Variants in CDC42BPB observed in about 807,000 individuals in gnomAD.
The protein encoded by CDC42BPB is CDC42 binding protein kinase beta, also known as serine/threonine-protein kinase MRCK beta.
In CDC42BPB, 37 loss-of-function variants were observed where a neutral mutation model predicts 214.9. The ratio of observed to expected loss-of-function variants is 0.17; its 90% CI spans 0.13 to 0.23. The LOEUF is 0.23. Among genes scored for constraint, CDC42BPB ranks in the 10% least tolerant of loss-of-function variants. CDC42BPB has a pLI of 1.00. For synonymous variants in CDC42BPB, 931 were observed against 884.0 expected, an observed-to-expected ratio of 1.05 and a Z score of -0.94; for missense variants, 1,694 against 2,227.0, an observed-to-expected ratio of 0.76 and a Z score of 4.82.
At chr14:103,031,384 G>C (rs1445644816) in intron 1 of CDC42BPB, among the ~76,000 whole-genome samples, 1 of 152,146 alleles carries the variant, frequency 6.6e-6, no homozygotes, top group East Asian at 1.9e-4. Flanking sequence ...ATCAACAAAT[G>C]AAAGAGCTTT....
At chr14:103,052,031 G>A (rs1294040269) in intron 1 of CDC42BPB, among the ~76,000 whole-genome samples, 1 of 152,060 alleles carries the variant, frequency 6.6e-6, no homozygotes, top group Non-Finnish European at 1.5e-5. Flanking sequence ...TAGTACAGAC[G>A]GGTTTTCACC....
chr14:103,056,979 C>A lies in CDC42BPB; in HGVS notation c.175+20G>T. The stretch of plus-strand genomic sequence containing the variant: ...GGGGGTCGCAGAGCCGCAGGTCCGG[C>A]CCTGCCGGCGCGCACTTACCCCACT... On this transcript the variant is annotated intron_variant, in intron 1 of 36. Coordinates refer to ENST00000361246, the MANE Select transcript of CDC42BPB (RefSeq NM_006035.4). 7.2e-7 allele frequency: 1 copy of A among 1,390,618 alleles called. No homozygotes were observed. The highest frequency in any genetic ancestry group is 1.5e-5 in the South Asian group (1 of 66,518). 86.1% of individuals were successfully genotyped at this position (1,390,618 alleles called of 1,614,324 possible).
At chr14:102,935,474 G>A (rs1394572719) in intron 36 of CDC42BPB, among the ~76,000 whole-genome samples, 1 of 152,182 alleles carries the variant, frequency 6.6e-6, no homozygotes, top group East Asian at 1.9e-4. Flanking sequence ...TCTCATGTTC[G>A]TGGAGTAAAA....
In CDC42BPB at chr14:102,932,988, ACGACACTCG is replaced by A. The variant is rs1891463412; in HGVS notation, c.*715_*723del. 6.6e-6 allele frequency: 1 copy of A among 152,030 alleles called. No homozygotes were observed. Among genetic ancestry groups the A allele is most frequent in the African/African-American group, 2.4e-5 (1 of 41,242 alleles). The allele number at this position is 152,030 out of a possible 1,614,324, so 9.4% of individuals were successfully genotyped here. On this transcript the variant is annotated 3_prime_UTR_variant, in exon 37 of 37. Coordinates refer to ENST00000361246, the MANE Select transcript of CDC42BPB (RefSeq NM_006035.4). ...GCAGGCCACAGGGCCTGCCTGCACC[ACGACACTCG>A]CTGGTTTTATGGCAGGAGGCAGAAG... is the stretch of plus-strand genomic sequence containing the variant.
chr14:102,960,272 G>A (rs1436513601), intron 20 of CDC42BPB, among the ~76,000 whole-genome samples: 1 of 152,046 alleles, frequency 6.6e-6, no homozygotes, highest in Non-Finnish European at 1.5e-5. Flanking sequence ...GGCGTAGGTG[G>A]AGGAGGAGCA....
chr14:102,942,343 T>C (rs1338098872), intron 30 of CDC42BPB, among the ~76,000 whole-genome samples: 1 of 152,184 alleles, frequency 6.6e-6, no homozygotes, highest in Non-Finnish European at 1.5e-5. Context: ...CACGACGCCC[T>C]GGGTATGATG....
At position 102,937,484 on chromosome 14, in the gene CDC42BPB, T is replaced by C. The variant is rs186220669; in HGVS notation, c.5004+620A>G. ...GAGATGTGTGGTGGAGAGATGAGCA[T>C]GGCCCCTCCGCCTGCATCCCTCCCT... On this transcript the variant is annotated intron_variant, in intron 36 of 36. Coordinates refer to ENST00000361246, the MANE Select transcript of CDC42BPB (RefSeq NM_006035.4). 1.4e-3 allele frequency among the ~76,000 whole-genome samples: 215 copies of C among 152,334 alleles called. 2 individuals carry two copies. The highest frequency in any genetic ancestry group is 4.7e-3 in the African/African-American group (196 of 41,594).
At chr14:102,998,651 C>T (rs1392595543) in intron 5 of CDC42BPB, among the ~76,000 whole-genome samples, 1 of 152,188 alleles carries the variant, frequency 6.6e-6, no homozygotes, top group African/African-American at 2.4e-5. Context: ...GAGCAGGAGA[C>T]GGAGCTGCTT....
intron 27 of CDC42BPB, among the ~76,000 whole-genome samples, chr14:102,947,299 T>A (rs963551730): frequency 6.6e-6 from 1 of 152,164 alleles, no homozygotes; most frequent in African/African-American, 2.4e-5. Context: ...TGCTACAATG[T>A]CTAACACTAA....
In CDC42BPB at chr14:103,048,863, G is replaced by A. The variant is rs568749074; in HGVS notation, c.175+8136C>T. On this transcript the variant is annotated intron_variant, in intron 1 of 36. Coordinates refer to ENST00000361246, the MANE Select transcript of CDC42BPB (RefSeq NM_006035.4). ...CACTCCAGCCTGGGCAACAGAATGA[G>A]CCTCCATCTCCAAAAAAAAAAAAAT... Among the ~76,000 whole-genome samples the A allele has an allele frequency of 7.9e-5, 12 of 151,498 alleles. 1 individual carries two copies. The highest frequency in any genetic ancestry group is 2.4e-4 in the African/African-American group (10 of 41,276).
chr14:102,970,251 T>A lies in CDC42BPB; in HGVS notation c.1895A>T (p.Gln632Leu). Residue 632 changes from glutamine (Q) to leucine (L), a missense_variant, in exon 14 of 37, where the codon CAG becomes CTG. Transcript: ENST00000361246. ...GGCCTCAGCAACAGCATCATCAAGCTGAGCTTCCAGCTACAAAAGGAAGAT... is the reference window on the plus strand; with the variant it reads ...GGCCTCAGCAACAGCATCATCAAGCAGAGCTTCCAGCTACAAAAGGAAGAT... ...AEKLRKELEA[Q>L]LDDAVAEASK... The A allele has an allele frequency of 6.2e-7, 1 of 1,612,480 alleles. No homozygotes were observed.
At chr14:102,956,650 C>A (rs930408899) in intron 21 of CDC42BPB, among the ~76,000 whole-genome samples, 1 of 151,752 alleles carries the variant, frequency 6.6e-6, no homozygotes, top group Non-Finnish European at 1.5e-5. Flanking sequence ...GGCAATATAG[C>A]AAGAATCCAT....
At chr14:103,039,292 CAAAAAAA>C (rs202028122) in intron 1 of CDC42BPB, among the ~76,000 whole-genome samples, 4 of 70,642 alleles carry the variant, frequency 5.7e-5, no homozygotes, top group African/African-American at 1.7e-4. Flanking sequence ...GATACCAAAC[CAAAAAAA>C]AAAAAAAAAA....
chr14:102,999,743 T>C (rs761514901), intron 4 of CDC42BPB, 30 bp from the exon 5 acceptor site: 2 of 1,613,650 alleles, frequency 1.2e-6, no homozygotes, highest in South Asian at 2.2e-5. Context: ...GGGGAGAGAA[T>C]ACCACATTTA....
At chr14:103,035,493 T>C (rs1007394138) in intron 1 of CDC42BPB, among the ~76,000 whole-genome samples, 9 of 151,862 alleles carry the variant, frequency 5.9e-5, no homozygotes, top group African/African-American at 2.2e-4. Context: ...AGCCCAGGAA[T>C]TGGAGACCAG....
intron 1 of CDC42BPB, among the ~76,000 whole-genome samples, chr14:103,013,947 C>T (rs1317712836): frequency 3.9e-5 from 6 of 152,228 alleles, no homozygotes; most frequent in South Asian, 2.1e-4. Flanking sequence ...GGGCGGATCA[C>T]GAGGTCAGGA....
chr14:103,040,453 A>T (rs1188884642), intron 1 of CDC42BPB, among the ~76,000 whole-genome samples: 1 of 152,084 alleles, frequency 6.6e-6, no homozygotes, highest in African/African-American at 2.4e-5. Context: ...TTTTTCAATT[A>T]AATTTAAATT....
Position 103,004,723 on chromosome 14 carries a change from G to A in CDC42BPB, c.352-700C>T, listed in dbSNP as rs1895152617. Among the ~76,000 whole-genome samples, 1 of 152,078 alleles carries A rather than the reference G, an allele frequency of 6.6e-6. No individual in the cohort carries two copies. The highest frequency in any genetic ancestry group is 1.5e-5 in the Non-Finnish European group (1 of 68,006). On this transcript the variant is annotated intron_variant, in intron 3 of 36. Coordinates refer to ENST00000361246, the MANE Select transcript of CDC42BPB (RefSeq NM_006035.4). The surrounding 1 kb of genome is among the most constrained non-coding windows in gnomAD (Gnocchi z 5.3). ...TCTCTACTAAAAACTAGAAAAACTA[G>A]CCAGGTGTGGTGGCAGGTGCCTGTA... is the stretch of plus-strand genomic sequence containing the variant.
intron 5 of CDC42BPB, among the ~76,000 whole-genome samples, chr14:102,998,059 CA>C (rs1894821248): frequency 6.6e-6 from 1 of 152,102 alleles, no homozygotes; most frequent in African/African-American, 2.4e-5. Flanking sequence ...ACCCAGGAGG[CA>C]GAGGCTATAG....
Sources: allele counts gnomAD v4.1 joint callset (sites outside exome capture counted in the v4.1 genomes callset), GRCh38; gene constraint gnomAD v4.1.1; non-coding constraint Gnocchi (gnomAD v3.1); transcripts MANE v1.5; gene names NCBI Gene and HGNC (gene_info 2026-07-23, HGNC 2026-07-21).